Variants in BCKDHB observed in about 807,000 individuals in gnomAD.
BCKDHB encodes 2-oxoisovalerate dehydrogenase subunit beta, mitochondrial.
BCKDHB carries 41 observed loss-of-function variants against 48.5 expected under a neutral mutation model. The ratio of observed to expected loss-of-function variants is 0.85; its 90% CI spans 0.66 to 1.10. The LOEUF (loss-of-function observed/expected upper bound fraction) is 1.10. Among genes scored for constraint, BCKDHB ranks in the 50% least tolerant of loss-of-function variants. The pLI is 0.00. For synonymous variants in BCKDHB, 201 were observed against 174.8 expected, an observed-to-expected ratio of 1.15 and a Z score of -1.18; for missense variants, 496 against 494.2, an observed-to-expected ratio of 1.00 and a Z score of -0.03.
chr6:80,237,111 A>G (rs980510769), intron 8 of BCKDHB, among the ~76,000 whole-genome samples: 19 of 152,198 alleles, frequency 1.2e-4, no homozygotes, highest in Non-Finnish European at 1.5e-4. Flanking sequence ...GTAGAAATTG[A>G]GAGAGTTTGG....
At chr6:80,463,598 T>C in the BCKDHB span, among the ~76,000 whole-genome samples, 1 of 152,160 alleles carries the variant, frequency 6.6e-6, no homozygotes, top group African/African-American at 2.4e-5. Flanking sequence ...ACTTTTTTTT[T>C]TCCAAAATTT....
At chr6:80,161,091 T>C (rs1486634626) in intron 3 of BCKDHB, among the ~76,000 whole-genome samples, 1 of 152,180 alleles carries the variant, frequency 6.6e-6, no homozygotes, top group Non-Finnish European at 1.5e-5. Flanking sequence ...CACTAACCAC[T>C]GAATTAAACA....
chr6:80,106,943 G>T (rs1189468674), intron 1 of BCKDHB, 54 bp downstream of exon 1: 18 of 1,557,362 alleles, frequency 1.2e-5, no homozygotes, highest in Non-Finnish European at 1.5e-5. Flanking sequence ...TCCCAGGCTC[G>T]CAGGCGCCCG....
At position 80,157,590 on chromosome 6, in the gene BCKDHB, G is replaced by C. The variant is rs371468396; in HGVS notation, c.344-10088G>C. ...AAGCAGTTCTCCTGCCTCAGCCTCC[G>C]AAGTAGCTGGGATTACAGGCATGTG... is the stretch of plus-strand genomic sequence containing the variant. On this transcript the variant is annotated intron_variant, in intron 3 of 9. Transcript: ENST00000320393. 1.8e-3 allele frequency among the ~76,000 whole-genome samples: 263 copies of C among 148,760 alleles called. 2 individuals are homozygous for C. Among genetic ancestry groups the C allele is most frequent in the African/African-American group, 6.1e-3 (249 of 40,692 alleles).
chr6:80,214,395 CTAATATT>C (rs1184875431), intron 8 of BCKDHB, among the ~76,000 whole-genome samples: 1 of 152,120 alleles, frequency 6.6e-6, no homozygotes, highest in Middle Eastern at 3.2e-3. Context: ...TAGAGAATCT[CTAATATT>C]TAAGTATTGC....
chr6:80,162,461 C>T (rs1475239376), intron 3 of BCKDHB, among the ~76,000 whole-genome samples: 2 of 152,162 alleles, frequency 1.3e-5, no homozygotes, highest in African/African-American at 4.8e-5. Flanking sequence ...ATTATTCCTT[C>T]TCTCCATTTT....
chr6:80,392,105 G>T, the BCKDHB span, among the ~76,000 whole-genome samples: 1 of 151,986 alleles, frequency 6.6e-6, no homozygotes, highest in Non-Finnish European at 1.5e-5. Context: ...CAATTATCCT[G>T]CCTCAGCCTC....
At chr6:80,169,063 A>G (rs1219137101) in intron 5 of BCKDHB, 33 bp downstream of exon 5, 7 of 1,604,274 alleles carry the variant, frequency 4.4e-6, no homozygotes, top group African/African-American at 4.0e-5. Flanking sequence ...TTTGATTTCT[A>G]TTTGATGTTT....
chr6:80,422,616 A>T, the BCKDHB span, among the ~76,000 whole-genome samples: 1 of 152,232 alleles, frequency 6.6e-6, no homozygotes, highest in Non-Finnish European at 1.5e-5. Flanking sequence ...CCAAGGCCTT[A>T]GGAGTGCACT....
intron 9 of BCKDHB, among the ~76,000 whole-genome samples, chr6:80,320,473 T>C (rs1450121875): frequency 6.6e-6 from 1 of 152,216 alleles, no homozygotes; most frequent in Non-Finnish European, 1.5e-5. Context: ...TTTCTATCTT[T>C]CCGAGTTTGC....
intron 9 of BCKDHB, among the ~76,000 whole-genome samples, chr6:80,297,782 T>G (rs1767330019): frequency 6.6e-6 from 1 of 152,178 alleles, no homozygotes; most frequent in Non-Finnish European, 1.5e-5. Flanking sequence ...ATAACTGCCA[T>G]TAGCTAGCCC....
intron 9 of BCKDHB, among the ~76,000 whole-genome samples, chr6:80,340,643 G>T (rs1348456061): frequency 6.6e-6 from 1 of 152,182 alleles, no homozygotes; most frequent in Non-Finnish European, 1.5e-5. Context: ...AGAAGAATAT[G>T]ATTAATCTGA....
chr6:80,201,162 T>C (rs1774376489), intron 7 of BCKDHB, 131 bp downstream of exon 7: 3 of 771,416 alleles, frequency 3.9e-6, no homozygotes, highest in Non-Finnish European at 6.7e-6. Flanking sequence ...CTACTGATGC[T>C]AATTTCTTTT....
chr6:80,189,434 A>C (rs1163228577), intron 6 of BCKDHB, among the ~76,000 whole-genome samples: 1 of 152,220 alleles, frequency 6.6e-6, no homozygotes, highest in African/African-American at 2.4e-5. Context: ...AAGAATTCTA[A>C]TAATATAGAA....
At chr6:80,303,429 A>G (rs1361655836) in intron 9 of BCKDHB, among the ~76,000 whole-genome samples, 1 of 152,032 alleles carries the variant, frequency 6.6e-6, no homozygotes, top group Non-Finnish European at 1.5e-5. Context: ...ACAGTTTCCC[A>G]TCTCATCTGC....
chr6:80,417,790 G>A, the BCKDHB span, among the ~76,000 whole-genome samples: 3 of 151,944 alleles, frequency 2.0e-5, no homozygotes, highest in South Asian at 6.2e-4. Context: ...TCAACTATGG[G>A]GAATCTGATA....
At chr6:80,183,968 C>A (rs1211443215) in intron 6 of BCKDHB, among the ~76,000 whole-genome samples, 1 of 151,456 alleles carries the variant, frequency 6.6e-6, no homozygotes. Context: ...GGAAGTAACA[C>A]AGTTTATTTA....
chr6:80,395,851 A>C, the BCKDHB span, among the ~76,000 whole-genome samples: 1 of 152,192 alleles, frequency 6.6e-6, no homozygotes, highest in Non-Finnish European at 1.5e-5. Flanking sequence ...GGTGCCCTGC[A>C]TTCCAGCTGC....
chr6:80,437,581 C>G, the BCKDHB span, among the ~76,000 whole-genome samples: 1 of 152,068 alleles, frequency 6.6e-6, no homozygotes, highest in Non-Finnish European at 1.5e-5. Context: ...AGTGTTCTCA[C>G]AAAAAAAGTC....
Sources: gnomAD v4.1 joint callset for allele counts (sites outside exome capture counted in the v4.1 genomes callset) on GRCh38, gnomAD v4.1.1 for gene constraint, MANE v1.5 for transcripts, NCBI Gene and HGNC (gene_info 2026-07-23, HGNC 2026-07-21) for gene names.